The following PLCXD3 variants were observed in gnomAD, a reference collection of about 807,000 sequenced individuals.
The protein encoded by PLCXD3 is PI-PLC X domain-containing protein 3.
Under a neutral mutation model 25.5 loss-of-function variants are expected in PLCXD3, and 19 were observed. The ratio of observed to expected loss-of-function variants is 0.75; its 90% confidence interval spans 0.52 to 1.09. The LOEUF (loss-of-function observed/expected upper bound fraction) is 1.09, where lower values mean the gene tolerates loss of function less well. Among genes scored for constraint, PLCXD3 ranks in the 50% least tolerant of loss-of-function variants. PLCXD3 has a pLI of 0.00. For synonymous variants in PLCXD3, 174 were observed against 137.6 expected, an observed-to-expected ratio of 1.26 and a Z score of -1.85; for missense variants, 411 against 388.1, an observed-to-expected ratio of 1.06 and a Z score of -0.50.
chr5:41,434,405 T>C (rs1375676973), intron 1 of PLCXD3, among the ~76,000 whole-genome samples: 2 of 152,172 alleles, frequency 1.3e-5, no homozygotes, highest in Non-Finnish European at 2.9e-5. Context: ...AAATGTACAA[T>C]TGCAACTGGG....
intron 2 of PLCXD3, among the ~76,000 whole-genome samples, chr5:41,321,990 T>C (rs59161467): frequency 3.7e-4 from 57 of 152,312 alleles, no homozygotes; most frequent in Non-Finnish European, 5.3e-4. Context: ...AAGAAAACTT[T>C]GGGGAAAATC....
chr5:41,507,419 T>C (rs1050194522), intron 1 of PLCXD3, among the ~76,000 whole-genome samples: 2 of 152,174 alleles, frequency 1.3e-5, no homozygotes, highest in Non-Finnish European at 2.9e-5. Context: ...AAATTGAAAG[T>C]GAAATACTAA....
At chr5:41,356,345 G>A (rs889193574) in intron 2 of PLCXD3, among the ~76,000 whole-genome samples, 5 of 152,182 alleles carry the variant, frequency 3.3e-5, no homozygotes, top group African/African-American at 4.8e-5. Context: ...GTTACCAAGA[G>A]TTGGCTTTGT....
At chr5:41,500,590 C>T (rs576959766) in intron 1 of PLCXD3, among the ~76,000 whole-genome samples, 1 of 151,322 alleles carries the variant, frequency 6.6e-6, no homozygotes, top group Admixed American at 6.6e-5. Context: ...AAACACGCAA[C>T]TTAAACCTAA....
At chr5:41,389,527 G>T (rs534004025) in intron 1 of PLCXD3, among the ~76,000 whole-genome samples, 27 of 152,268 alleles carry the variant, frequency 1.8e-4, no homozygotes, top group African/African-American at 6.3e-4. Context: ...AAGAGCCTCT[G>T]TGCATATAGG....
intron 1 of PLCXD3, among the ~76,000 whole-genome samples, chr5:41,408,406 T>C (rs867163294): frequency 3.9e-5 from 6 of 152,146 alleles, no homozygotes; most frequent in Non-Finnish European, 8.8e-5. Context: ...CATATGCATA[T>C]ACACAAACAC....
Position 41,311,524 on chromosome 5 carries a change from T to C in PLCXD3, c.*2093A>G, listed in dbSNP as rs1238851402. On this transcript the variant is annotated 3_prime_UTR_variant, in exon 3 of 3. Coordinates refer to ENST00000377801, the MANE Select transcript of PLCXD3 (RefSeq NM_001005473.3). ...ATTTGAAAAGAAGAATTGTACTGTG[T>C]CCATATCTGTGTGTGTTTCTGTATG... 1.3e-5 allele frequency: 2 copies of C among 152,140 alleles called. No homozygotes were observed. The highest frequency in any genetic ancestry group is 1.5e-5 in the Non-Finnish European group (1 of 68,000). The allele number at this position is 152,140 out of a possible 1,614,324, so 9.4% of individuals were successfully genotyped here.
chr5:41,334,502 G>A (rs912019810), intron 2 of PLCXD3, among the ~76,000 whole-genome samples: 3 of 152,094 alleles, frequency 2.0e-5, no homozygotes, highest in African/African-American at 7.2e-5. Context: ...GACACTGGAT[G>A]TTTTCAGTTT....
chr5:41,474,950 G>A (rs761923922), intron 1 of PLCXD3, among the ~76,000 whole-genome samples: 23 of 152,130 alleles, frequency 1.5e-4, no homozygotes, highest in East Asian at 9.6e-4. Flanking sequence ...TCTGCAATCC[G>A]CATTTGCATT....
At chr5:41,372,644 G>C (rs1257896774) in intron 2 of PLCXD3, among the ~76,000 whole-genome samples, 1 of 151,954 alleles carries the variant, frequency 6.6e-6, no homozygotes, top group Non-Finnish European at 1.5e-5. Context: ...ACTGTAAGCT[G>C]GTACAGAATC....
rs1192243098 is a variant in PLCXD3, at chr5:41,317,619, A to G, written c.813-3849T>C. Among the ~76,000 whole-genome samples, 5 of 152,224 alleles carry G rather than the reference A, an allele frequency of 3.3e-5. No individual in the cohort carries two copies. In the South Asian group the frequency reaches 1.0e-3, roughly 32 times the overall value. ...AGGAAACTCAAATAGGTTCAAGACA[A>G]CACAGAGAAGGAATTCAGAATTCTA... On this transcript the variant is annotated intron_variant, in intron 2 of 2. Coordinates refer to ENST00000377801, the MANE Select transcript of PLCXD3 (RefSeq NM_001005473.3).
At chr5:41,464,365 A>G (rs1747963200) in intron 1 of PLCXD3, among the ~76,000 whole-genome samples, 1 of 152,074 alleles carries the variant, frequency 6.6e-6, no homozygotes, top group Admixed American at 6.6e-5. Flanking sequence ...GTAGACAAAA[A>G]TGTACTTACA....
intron 2 of PLCXD3, among the ~76,000 whole-genome samples, chr5:41,346,942 T>C (rs981668944): frequency 1.3e-5 from 2 of 152,236 alleles, no homozygotes; most frequent in African/African-American, 4.8e-5. Flanking sequence ...TTTTGGCAAT[T>C]GTGAATAAAG....
chr5:41,382,352 CA>C lies in PLCXD3; in HGVS notation c.285del (p.Phe95LeufsTer45). 1 of 1,613,440 alleles carries C rather than the reference CA, an allele frequency of 6.2e-7. No homozygotes were observed. Among genetic ancestry groups the C allele is most frequent in the South Asian group, 1.1e-5 (1 of 91,040 alleles). ...TGQLGAGIRY[F>X]DLRISTKPRD... ...CTGGGCTTGGTGGAAATTCGAAGAT[CA>C]AAATAACGAATTCCAGCTCCTAGCT... On this transcript the variant is annotated frameshift_variant, in exon 2 of 3. Coordinates refer to ENST00000377801, the MANE Select transcript of PLCXD3 (RefSeq NM_001005473.3). LOFTEE classifies it high-confidence loss of function.
intron 1 of PLCXD3, among the ~76,000 whole-genome samples, chr5:41,450,528 C>T (rs896768923): frequency 6.6e-6 from 1 of 152,076 alleles, no homozygotes; most frequent in Admixed American, 6.6e-5. Context: ...CTTTACAAAA[C>T]TTACAATGCT....
At chr5:41,384,998 G>C (rs1561254345) in intron 1 of PLCXD3, among the ~76,000 whole-genome samples, 1 of 152,070 alleles carries the variant, frequency 6.6e-6, no homozygotes, top group African/African-American at 2.4e-5. Flanking sequence ...TATGCATTTT[G>C]TAAGAAATAT....
chr5:41,445,040 T>C (rs1402452752), intron 1 of PLCXD3, among the ~76,000 whole-genome samples: 1 of 152,230 alleles, frequency 6.6e-6, no homozygotes, highest in East Asian at 1.9e-4. Flanking sequence ...AAATATGACA[T>C]GCTTTCTCTG....
intron 1 of PLCXD3, among the ~76,000 whole-genome samples, chr5:41,483,360 G>A (rs1032483011): frequency 2.6e-5 from 4 of 152,104 alleles, no homozygotes; most frequent in Non-Finnish European, 5.9e-5. Context: ...GACCGGATGC[G>A]AAATGACCTA....
At chr5:41,369,628 C>A (rs1375852445) in intron 2 of PLCXD3, among the ~76,000 whole-genome samples, 1 of 151,948 alleles carries the variant, frequency 6.6e-6, no homozygotes, top group Non-Finnish European at 1.5e-5. Context: ...TTACAGGTGG[C>A]CACCACCATG....
Sources: gnomAD v4.1 joint callset for allele counts (sites outside exome capture counted in the v4.1 genomes callset) on GRCh38, gnomAD v4.1.1 for gene constraint, MANE v1.5 for transcripts, NCBI Gene and HGNC (gene_info 2026-07-23, HGNC 2026-07-21) for gene names.